Variants in SPEN observed in about 807,000 individuals in gnomAD.
SPEN encodes msx2-interacting protein.
Under a neutral mutation model 269.9 loss-of-function variants are expected in SPEN, and 18 were observed. The observed-to-expected ratio is 0.07, with a 90% CI of 0.05 to 0.10. The LOEUF (loss-of-function observed/expected upper bound fraction) is 0.10. Ranked by LOEUF, SPEN falls within the 10% of genes least tolerant of loss-of-function variation. SPEN has a pLI of 1.00. For missense variants in SPEN, 3,822 were observed against 4,631.2 expected, an observed-to-expected ratio of 0.83 and a Z score of 5.07; for synonymous variants, 1,726 against 1,765.7, an observed-to-expected ratio of 0.98 and a Z score of 0.56.
At chr1:15,880,056 G>A (rs2070672309) in intron 3 of SPEN, among the ~76,000 whole-genome samples, 1 of 152,098 alleles carries the variant, frequency 6.6e-6, no homozygotes. Context: ...CACCTAAAAG[G>A]CCAGATTTGG....
Position 15,937,707 on chromosome 1 carries a change from A to G in SPEN, c.10509+62A>G. 1.2e-6 allele frequency: 2 copies of G among 1,606,334 alleles called. No homozygotes were observed. Among genetic ancestry groups the G allele is most frequent in the Admixed American group, 1.7e-5 (1 of 59,162 alleles). On this transcript the variant is annotated intron_variant, in intron 12 of 14. Coordinates refer to ENST00000375759, the MANE Select transcript of SPEN (RefSeq NM_015001.3). This position sits in a 1 kb window ranked among gnomAD's most constrained non-coding sequence, Gnocchi z 5.7. ...AGTTTTATGCCATGTCAAATGTCCT[A>G]AGATTCCCTAGTTAACAGACCCACA...
In SPEN at chr1:15,931,045, A is replaced by G. The variant is rs1449265950; in HGVS notation, c.4805A>G (p.Gln1602Arg). Reference sequence around the variant, plus strand: ...CAACAGAAAGAAAAAGAAAAAGACCAGAAACCCAAAGAGGTTGAGAAACAG... The same window carrying G: ...CAACAGAAAGAAAAAGAAAAAGACCGGAAACCCAAAGAGGTTGAGAAACAG... ...RMQQKEKEKD[Q>R]KPKEVEKQED... Residue 1602 changes from glutamine (Q) to arginine (R), a missense_variant, in exon 11 of 15, where the codon CAG (glutamine) becomes CGG (arginine). Around this residue, in one of 16 missense-constraint regions of SPEN, gnomAD observed 533 missense variants for 618.8 expected, o/e 0.86. Transcript: ENST00000375759. The surrounding 1 kb of genome is among the most constrained non-coding windows in gnomAD (Gnocchi z 4.8). 1.2e-6 allele frequency: 2 copies of G among 1,613,472 alleles called. No homozygotes were observed. The highest frequency in any genetic ancestry group is 1.3e-5 in the African/African-American group (1 of 74,804).
Position 15,935,789 on chromosome 1 carries a change from G to A in SPEN, c.9549G>A (p.Glu3183=). The A allele has an allele frequency of 6.2e-7, 1 of 1,613,868 alleles. No individual in the cohort carries two copies. The highest frequency in any genetic ancestry group is 1.6e-4 in the Middle Eastern group (1 of 6,062). Residue 3183 remains glutamate, a synonymous_variant, in exon 11 of 15, where the codon GAG becomes GAA. Coordinates refer to ENST00000375759, the MANE Select transcript of SPEN (RefSeq NM_015001.3). The surrounding 1 kb of genome is among the most constrained non-coding windows in gnomAD (Gnocchi z 7.7). ...CAGAGGTACTAGTCATGCAGTCTGA[G>A]TACCGACTGCACCCCTATACTGTGC... is the stretch of plus-strand genomic sequence containing the variant. The part of the protein sequence containing the change: ...VQSEVLVMQS[E]YRLHPYTVPR...
chr1:15,920,834 A>T, intron 8 of SPEN, 36 bp from the exon 9 acceptor site: 2 of 1,278,072 alleles, frequency 1.6e-6, no homozygotes, highest in Non-Finnish European at 2.2e-6. Flanking sequence ...CCAGTGGATG[A>T]GGCTCTTACT....
In SPEN at chr1:15,876,343, C is replaced by G. The variant is rs754863435; in HGVS notation, c.546C>G (p.Leu182=). The change falls in exon 3 of 15, where the codon CTC becomes CTG. Residue 182 remains leucine, a synonymous_variant. Coordinates refer to ENST00000375759, the MANE Select transcript of SPEN (RefSeq NM_015001.3). ...GAGAGCGGACTTTACAACATGGGCTCTATTACGCTTCTCGGAGTCGAAGTC... is the reference window on the plus strand; with the variant it reads ...GAGAGCGGACTTTACAACATGGGCTGTATTACGCTTCTCGGAGTCGAAGTC... ...DPRERTLQHG[L]YYASRSRSPN... is the part of the protein sequence containing the mutation. The G allele has an allele frequency of 6.2e-7, 1 of 1,614,066 alleles. No individual in the cohort carries two copies. The highest frequency in any genetic ancestry group is 1.1e-5 in the South Asian group (1 of 91,060).
intron 13 of SPEN, 40 bp from the exon 14 acceptor site, chr1:15,938,678 T>C: frequency 6.3e-7 from 1 of 1,586,476 alleles, no homozygotes; most frequent in Non-Finnish European, 8.6e-7. Context: ...GCTGTTTGAC[T>C]AGGAGGCCCC....
intron 1 of SPEN, among the ~76,000 whole-genome samples, chr1:15,856,837 G>A (rs2070393143): frequency 6.6e-6 from 1 of 151,888 alleles, no homozygotes; most frequent in African/African-American, 2.4e-5. Flanking sequence ...CAATGTGCTG[G>A]GATTACAGTC....
intron 1 of SPEN, among the ~76,000 whole-genome samples, chr1:15,854,002 T>TA (rs1430937375): frequency 5.3e-5 from 8 of 152,044 alleles, no homozygotes; most frequent in African/African-American, 1.9e-4. Context: ...GGTTTCACCA[T>TA]GTTGGCCAGG....
intron 5 of SPEN, 46 bp downstream of exon 5, chr1:15,911,347 GTT>G: frequency 6.5e-7 from 1 of 1,527,228 alleles, no homozygotes; most frequent in Non-Finnish European, 9.1e-7. Context: ...CACACACACT[GTT>G]TGTGTTGCAG....
At chr1:15,915,211 T>G (rs2071046944) in intron 5 of SPEN, among the ~76,000 whole-genome samples, 3 of 152,172 alleles carry the variant, frequency 2.0e-5, no homozygotes, top group Non-Finnish European at 4.4e-5. Flanking sequence ...TGTCAGTGAT[T>G]ATTTTTAAAA....
At chr1:15,887,017 C>A (rs902106375) in intron 3 of SPEN, among the ~76,000 whole-genome samples, 1 of 152,112 alleles carries the variant, frequency 6.6e-6, no homozygotes, top group Non-Finnish European at 1.5e-5. Context: ...CTTGCTCTGT[C>A]GCCCAGGCTG....
intron 1 of SPEN, among the ~76,000 whole-genome samples, chr1:15,854,145 G>T (rs2070363168): frequency 1.3e-5 from 2 of 152,070 alleles, no homozygotes; most frequent in African/African-American, 4.8e-5. Context: ...AGTTTGAGCT[G>T]TAGTTAACCA....
chr1:15,907,170 A>T (rs750820931), intron 3 of SPEN, among the ~76,000 whole-genome samples: 3 of 152,116 alleles, frequency 2.0e-5, no homozygotes, highest in Non-Finnish European at 4.4e-5. Context: ...AAAACATAGA[A>T]CTTATTTAGT....
rs764911970 is a variant in SPEN at position 15,938,924 on chromosome 1, C to G, written c.10863+48C>G. 1.1e-5 allele frequency: 17 copies of G among 1,593,724 alleles called. 1 individual carries two copies. In the South Asian group the frequency reaches 1.9e-4, roughly 18 times the overall value. The stretch of plus-strand genomic sequence containing the variant: ...TTCACATGTACACCCACAGGTGGGG[C>G]TGATCAGGGTAGGTGGGCCTACTCA... On this transcript the variant is annotated intron_variant, in intron 14 of 14. Transcript: ENST00000375759.
At chr1:15,913,934 A>G (rs1219677082) in intron 5 of SPEN, among the ~76,000 whole-genome samples, 4 of 152,170 alleles carry the variant, frequency 2.6e-5, no homozygotes, top group Admixed American at 2.6e-4. Flanking sequence ...ACAGATTTTA[A>G]TAGTTGCAAA....
Position 15,939,328 on chromosome 1 carries a change from T to C in SPEN, c.10896T>C (p.Cys3632=). 6.2e-7 allele frequency: 1 copy of C among 1,604,484 alleles called. No individual in the cohort carries two copies. The highest frequency in any genetic ancestry group is 8.5e-7 in the Non-Finnish European group (1 of 1,175,056). The change falls in exon 15 of 15, where the codon TGT becomes TGC. Residue 3632 remains cysteine (C), a synonymous_variant. Coordinates refer to ENST00000375759, the MANE Select transcript of SPEN (RefSeq NM_015001.3). The surrounding 1 kb of genome is among the most constrained non-coding windows in gnomAD (Gnocchi z 4.1). ...PAYVLQIFPP[C]EFSESHLSRL... ...ACGTGCTGCAGATCTTCCCGCCCTG[T>C]GAGTTCTCTGAGAGTCACCTGTCCC...
rs1557764688 is a variant in SPEN at position 15,938,892 on chromosome 1, T to A, written c.10863+16T>A. On this transcript the variant is annotated intron_variant, in intron 14 of 14. Coordinates refer to ENST00000375759, the MANE Select transcript of SPEN (RefSeq NM_015001.3). ...CTCCAATCAGGTCGGTTGTCCTGTG[T>A]CCTTCCTTCACATGTACACCCACAG... 1 of 1,610,908 alleles carries A rather than the reference T, an allele frequency of 6.2e-7. No individual in the cohort carries two copies.
chr1:15,853,885 T>A (rs187963172), intron 1 of SPEN, among the ~76,000 whole-genome samples: 147 of 152,226 alleles, frequency 9.7e-4, no homozygotes, highest in Middle Eastern at 3.4e-3. Context: ...GCCAGGCTGG[T>A]CTCACTCCTG....
chr1:15,917,956 A>G (rs1455342983), intron 6 of SPEN: 1 of 152,150 alleles, frequency 6.6e-6, no homozygotes, highest in East Asian at 1.9e-4. Flanking sequence ...CCCCACCCCA[A>G]TGTCCTTCCT....
Sources: gnomAD v4.1 joint callset for allele counts (sites outside exome capture counted in the v4.1 genomes callset) on GRCh38, gnomAD v4.1.1 for gene constraint, gnomAD v4.1.1 regional missense constraint, Gnocchi (gnomAD v3.1) non-coding constraint, MANE v1.5 for transcripts, NCBI Gene and HGNC (gene_info 2026-07-23, HGNC 2026-07-21) for gene names.